Variants in ZSWIM5 observed in about 807,000 individuals in gnomAD.
ZSWIM5 encodes the protein zinc finger SWIM-type containing 5, also known as zinc finger SWIM domain-containing protein 5.
Under a neutral mutation model 119.6 loss-of-function variants are expected in ZSWIM5, and 55 were observed. That is an observed-to-expected ratio of 0.46 (90% confidence interval 0.37 to 0.58). The LOEUF (loss-of-function observed/expected upper bound fraction) is 0.58, where lower values mean the gene tolerates loss of function less well. Ranked by LOEUF, ZSWIM5 falls within the 20% of genes least tolerant of loss-of-function variation. The probability of loss-of-function intolerance (pLI) is 0.00; values close to 1 mark genes in which losing one functional copy is unlikely to be tolerated. For missense variants in ZSWIM5, 1,193 were observed against 1,512.8 expected (o/e 0.79, Z 3.51); for synonymous variants, 537 against 606.9 (o/e 0.88, Z 1.69).
intron 1 of ZSWIM5, among the ~76,000 whole-genome samples, chr1:45,188,555 T>C (rs1222796105): frequency 6.6e-6 from 1 of 152,186 alleles, no homozygotes; most frequent in Non-Finnish European, 1.5e-5. Context: ...TAAAAGCCAC[T>C]GAATTGTACA....
intron 2 of ZSWIM5, among the ~76,000 whole-genome samples, chr1:45,086,868 CTCT>C (rs1039923204): frequency 3.3e-5 from 5 of 150,844 alleles, no homozygotes; most frequent in African/African-American, 7.3e-5. Flanking sequence ...GGCTTATTAA[CTCT>C]TCTTCTTAAA....
chr1:45,132,357 G>A (rs346693), intron 1 of ZSWIM5, among the ~76,000 whole-genome samples: 78 of 151,892 alleles, frequency 5.1e-4, no homozygotes, highest in African/African-American at 7.2e-4. Flanking sequence ...CTGAAGTCCC[G>A]TCTAGTTCAT....
At chr1:45,138,673 T>C (rs1285942828) in intron 1 of ZSWIM5, among the ~76,000 whole-genome samples, 1 of 151,994 alleles carries the variant, frequency 6.6e-6, no homozygotes, top group Non-Finnish European at 1.5e-5. Flanking sequence ...ATTAAATCAT[T>C]GGCCACTGGT....
In ZSWIM5 at chr1:45,127,152, A is replaced by C. The variant is rs1383615776; in HGVS notation, c.596-38915T>G. On this transcript the variant is annotated intron_variant, in intron 1 of 13. Coordinates refer to ENST00000359600, the MANE Select transcript of ZSWIM5 (RefSeq NM_020883.2). ...ACTCAGAAGTCAACGATATATAAAAAGAATAGTACACCATGACCAAGTAGA... is the reference window on the plus strand; with the variant it reads ...ACTCAGAAGTCAACGATATATAAAACGAATAGTACACCATGACCAAGTAGA... Among the ~76,000 whole-genome samples, 3 of 152,194 alleles carry C rather than the reference A, an allele frequency of 2.0e-5. No individual in the cohort carries two copies. The East Asian group carries it at 5.8e-4, about 29-fold the overall frequency.
chr1:45,131,724 C>CAAA (rs11336099), intron 1 of ZSWIM5, among the ~76,000 whole-genome samples: 19 of 74,116 alleles, frequency 2.6e-4, no homozygotes, highest in South Asian at 9.5e-4. Flanking sequence ...GACTCTGTCT[C>CAAA]AAAAAAAAAA....
intron 2 of ZSWIM5, among the ~76,000 whole-genome samples, chr1:45,073,208 T>G (rs892127789): frequency 6.6e-5 from 10 of 151,616 alleles, no homozygotes; most frequent in Non-Finnish European, 8.8e-5. Context: ...TTAAATTTAT[T>G]TTTTAGATTG....
intron 1 of ZSWIM5, among the ~76,000 whole-genome samples, chr1:45,136,023 G>A (rs1001338729): frequency 6.6e-6 from 1 of 152,034 alleles, no homozygotes; most frequent in African/African-American, 2.4e-5. Flanking sequence ...ATCACGCCTG[G>A]CTAATTTTTC....
At chr1:45,024,032 C>A (rs1456175843) in intron 11 of ZSWIM5, among the ~76,000 whole-genome samples, 2 of 152,080 alleles carry the variant, frequency 1.3e-5, no homozygotes, top group Non-Finnish European at 2.9e-5. Context: ...CTCTCCAGAT[C>A]TTTAGCCCAT....
At chr1:45,134,962 T>C (rs1400981033) in intron 1 of ZSWIM5, among the ~76,000 whole-genome samples, 1 of 152,228 alleles carries the variant, frequency 6.6e-6, no homozygotes, top group African/African-American at 2.4e-5. Context: ...ATATAACACC[T>C]TTCCTCTATC....
intron 1 of ZSWIM5, among the ~76,000 whole-genome samples, chr1:45,149,630 G>A (rs2149037313): frequency 6.6e-6 from 1 of 152,262 alleles, no homozygotes; most frequent in East Asian, 1.9e-4. Context: ...CATAACTGTA[G>A]TATATGAGTT....
At chr1:45,053,771 A>AAC (rs1285044848) in intron 4 of ZSWIM5, among the ~76,000 whole-genome samples, 8 of 150,848 alleles carry the variant, frequency 5.3e-5, no homozygotes, top group Non-Finnish European at 1.2e-4. Flanking sequence ...TCAAAAAAAA[A>AAC]AAAAAAAAAA....
chr1:45,114,308 A>G (rs1258142988), intron 1 of ZSWIM5, among the ~76,000 whole-genome samples: 1 of 152,198 alleles, frequency 6.6e-6, no homozygotes, highest in Admixed American at 6.5e-5. Context: ...CTGTCTCAAT[A>G]TAATTGTAAA....
chr1:45,094,890 G>A (rs1240299880), intron 1 of ZSWIM5, among the ~76,000 whole-genome samples: 2 of 150,638 alleles, frequency 1.3e-5, no homozygotes, highest in Admixed American at 6.6e-5. Context: ...GACAGAGACA[G>A]CAGTATGTTG....
At chr1:45,100,178 C>A (rs1188489492) in intron 1 of ZSWIM5, among the ~76,000 whole-genome samples, 1 of 152,192 alleles carries the variant, frequency 6.6e-6, no homozygotes, top group Non-Finnish European at 1.5e-5. Context: ...TCTTCTTAAG[C>A]TGATAAGCAA....
chr1:45,191,831 CT>C (rs757094588), intron 1 of ZSWIM5, among the ~76,000 whole-genome samples: 4 of 152,126 alleles, frequency 2.6e-5, no homozygotes, highest in Non-Finnish European at 4.4e-5. Context: ...GGAATATTTG[CT>C]TTTCTAATGA....
chr1:45,068,981 AT>A (rs969574293), intron 2 of ZSWIM5, among the ~76,000 whole-genome samples: 12 of 142,342 alleles, frequency 8.4e-5, no homozygotes, highest in African/African-American at 7.8e-5. Context: ...AATCTTTTTG[AT>A]TTTTTTTTTG....
At chr1:45,070,826 A>G (rs1645217609) in intron 2 of ZSWIM5, among the ~76,000 whole-genome samples, 1 of 152,148 alleles carries the variant, frequency 6.6e-6, no homozygotes, top group Admixed American at 6.5e-5. Context: ...TGTTTATTCA[A>G]GGATGTTTTC....
In ZSWIM5 at chr1:45,034,464, G is replaced by C. The variant is rs759555317; in HGVS notation, c.2297C>G (p.Pro766Arg). ...YKLALRAMRLPVLENSASAGD... is the reference protein window; with the variant it reads ...YKLALRAMRLRVLENSASAGD... Reference sequence around the variant, plus strand: ...TGCAGAAGCTGAGTTTTCTAAAACAGGTAACCTGGAAGACCCAGGAAGAAT... The same window carrying C: ...TGCAGAAGCTGAGTTTTCTAAAACACGTAACCTGGAAGACCCAGGAAGAAT... Residue 766 changes from proline to arginine, a missense_variant, in exon 11 of 14, where the codon CCT (proline) becomes CGT (arginine). Transcript: ENST00000359600. 1 of 1,603,094 alleles carries C rather than the reference G, an allele frequency of 6.2e-7. No individual in the cohort carries two copies. Among genetic ancestry groups the C allele is most frequent in the Non-Finnish European group, 8.5e-7 (1 of 1,174,104 alleles).
chr1:45,126,407 C>T (rs754133495), intron 1 of ZSWIM5, among the ~76,000 whole-genome samples: 1 of 152,096 alleles, frequency 6.6e-6, no homozygotes, highest in Non-Finnish European at 1.5e-5. Context: ...AACAACTCTA[C>T]GCACACACAT....
Sources: allele counts gnomAD v4.1 joint callset (sites outside exome capture counted in the v4.1 genomes callset), GRCh38; gene constraint gnomAD v4.1.1; transcripts MANE v1.5; gene names NCBI Gene and HGNC (gene_info 2026-07-23, HGNC 2026-07-21).